The following PCGF3 variants were observed in gnomAD, a reference collection of about 807,000 sequenced individuals.
PCGF3 encodes the protein polycomb group RING finger protein 3.
PCGF3 carries 7 observed loss-of-function variants against 33.1 expected under a neutral mutation model. The observed-to-expected ratio is 0.21, with a 90% CI of 0.12 to 0.40. The LOEUF (loss-of-function observed/expected upper bound fraction) is 0.40. Ranked by LOEUF, PCGF3 falls within the 10% of genes least tolerant of loss-of-function variation. The pLI is 1.00. For missense variants in PCGF3, 211 were observed against 313.3 expected, an observed-to-expected ratio of 0.67 and a Z score of 2.46; for synonymous variants, 153 against 121.3, an observed-to-expected ratio of 1.26 and a Z score of -1.72.
chr4:742,557 C>T (rs185325183), intron 6 of PCGF3, among the ~76,000 whole-genome samples: 1 of 152,234 alleles, frequency 6.6e-6, no homozygotes, highest in Non-Finnish European at 1.5e-5. Context: ...TGACCCACGT[C>T]GTCCACTGTG....
At position 734,143 on chromosome 4, in the gene PCGF3, G is replaced by C. The variant is rs1343838053; in HGVS notation, c.109+354G>C. 7 of 1,550,476 alleles carry C rather than the reference G, an allele frequency of 4.5e-6. 1 individual carries two copies. In the Admixed American group the frequency reaches 1.2e-4, roughly 26 times the overall value. Reference sequence around the variant, plus strand: ...AGATCCTTCAAAGGGGAACCTTCCAGTGTGTTCTTCACACCTGATGTGCGT... The same window carrying C: ...AGATCCTTCAAAGGGGAACCTTCCACTGTGTTCTTCACACCTGATGTGCGT... On this transcript the variant is annotated intron_variant, in intron 4 of 10. Coordinates refer to ENST00000362003, the Ensembl canonical transcript of PCGF3.
At chr4:761,590 G>A in intron 9 of PCGF3, 174 bp downstream of exon 9, 5 of 930,116 alleles carry the variant, frequency 5.4e-6, no homozygotes, top group African/African-American at 5.3e-5. Context: ...AGCCCTAAGG[G>A]TTGTAGGATG....
intron 4 of PCGF3, chr4:734,007 G>A (rs1743730516): frequency 1.0e-5 from 16 of 1,550,848 alleles, no homozygotes; most frequent in Non-Finnish European, 1.2e-5. Flanking sequence ...CCTCGCTTAG[G>A]AGAGCGAAAC....
chr4:733,639 T>G, intron 3 of PCGF3, 33 bp from the exon 4 acceptor site: 1 of 1,578,872 alleles, frequency 6.3e-7, no homozygotes. Context: ...TGGAAGAGTT[T>G]CAGGTGTTAA....
chr4:711,464 T>G (rs1742562008), intron 1 of PCGF3, among the ~76,000 whole-genome samples: 1 of 139,788 alleles, frequency 7.2e-6, no homozygotes, highest in Non-Finnish European at 1.6e-5. Context: ...CTTTTTTTTT[T>G]TTTTGAGACG....
chr4:739,922 T>C (rs1268737508), intron 6 of PCGF3, among the ~76,000 whole-genome samples: 1 of 152,266 alleles, frequency 6.6e-6, no homozygotes, highest in African/African-American at 2.4e-5. Context: ...GACCAGCTCC[T>C]GTCTCTGGCC....
chr4:749,507 G>A (rs548415774), intron 8 of PCGF3, among the ~76,000 whole-genome samples: 238 of 73,836 alleles, frequency 3.2e-3, no homozygotes, highest in Non-Finnish European at 5.0e-3. Context: ...TTTTGAGACA[G>A]TCTCACTTTG....
At chr4:734,093 TTCCAAATC>T (rs1483832990) in intron 4 of PCGF3, 10 of 1,550,684 alleles carry the variant, frequency 6.4e-6, no homozygotes. Flanking sequence ...TGCTGGCAGT[TTCCAAATC>T]TCCAGAGGAG....
At chr4:727,842 G>A (rs537738719) in intron 1 of PCGF3, among the ~76,000 whole-genome samples, 40 of 152,304 alleles carry the variant, frequency 2.6e-4, no homozygotes, top group African/African-American at 9.6e-4. Context: ...GTTTTGTCAG[G>A]CTCATAGTGT....
rs1235978037 is a variant in PCGF3, at chr4:720,622, C to T, written c.-189-10008C>T. 2.8e-5 allele frequency among the ~76,000 whole-genome samples: 4 copies of T among 145,346 alleles called. No individual in the cohort carries two copies. The highest frequency in any genetic ancestry group is 1.0e-4 in the African/African-American group (4 of 38,562). On this transcript the variant is annotated intron_variant, in intron 1 of 10. Transcript: ENST00000362003. The surrounding 1 kb of genome is among the most constrained non-coding windows in gnomAD (Gnocchi z 5.6). ...TGCGTGTGGACCCGGGGTGGACGGG[C>T]GGTGACGTGCGTGTGGACCCGGGGT...
chr4:761,930 G>A (rs1195350175), intron 9 of PCGF3: 5 of 985,334 alleles, frequency 5.1e-6, no homozygotes, highest in Admixed American at 6.1e-5. Flanking sequence ...GACAGAAGGC[G>A]CTGGCGGCTG....
In PCGF3 at chr4:732,513, C is replaced by T. The variant is rs566327652; in HGVS notation, c.-9-1159C>T. ...TCTGTGACCAGGTGAGGACCGCAAG[C>T]GTAAAGGTGGTGGCAGAGTGGTCGG... On this transcript the variant is annotated intron_variant, in intron 3 of 10. Transcript: ENST00000362003. 453 of 152,738 alleles carry T rather than the reference C, an allele frequency of 3.0e-3. 4 individuals carry two copies. The highest frequency in any genetic ancestry group is 0.01 in the African/African-American group (432 of 41,568). The allele number at this position is 152,738 out of a possible 1,614,324, so 9.5% of individuals were successfully genotyped here. A position where few individuals can be genotyped will look rare whatever the true frequency, so the allele number is the denominator to read the frequency against.
intron 1 of PCGF3, among the ~76,000 whole-genome samples, chr4:719,317 C>T (rs79047899): frequency 0.041 from 6,318 of 152,246 alleles, 172 homozygotes; most frequent in East Asian, 0.095. Context: ...TGTAAAGTTC[C>T]GTTTTCCTCC....
intron 1 of PCGF3, among the ~76,000 whole-genome samples, chr4:707,752 GCT>G (rs1742385466): frequency 7.4e-6 from 1 of 135,344 alleles, no homozygotes. Flanking sequence ...CCCTGAGACA[GCT>G]CTGTTTTCAC....
chr4:756,333 C>T (rs574966196), intron 8 of PCGF3, among the ~76,000 whole-genome samples: 1 of 151,558 alleles, frequency 6.6e-6, no homozygotes, highest in South Asian at 2.1e-4. Context: ...CCACCTCCGC[C>T]TCCTGAGTAG....
chr4:753,076 G>A (rs1331643096), intron 8 of PCGF3, among the ~76,000 whole-genome samples: 1 of 152,254 alleles, frequency 6.6e-6, no homozygotes, highest in African/African-American at 2.4e-5. Context: ...GGTGCTGATG[G>A]CTCACACACC....
chr4:742,000 TTTTC>T (rs1381256772), intron 6 of PCGF3, among the ~76,000 whole-genome samples: 3 of 152,148 alleles, frequency 2.0e-5, no homozygotes, highest in African/African-American at 7.2e-5. Flanking sequence ...AAGGGAAACA[TTTTC>T]TTTCAAGCTG....
intron 8 of PCGF3, among the ~76,000 whole-genome samples, chr4:758,378 C>T (rs55955900): frequency 0.047 from 6,807 of 145,076 alleles, 272 homozygotes; most frequent in East Asian, 0.11. Flanking sequence ...CGAGGCCCCT[C>T]TCCGGAGTTC....
chr4:741,890 T>C (rs966263196), intron 6 of PCGF3, among the ~76,000 whole-genome samples: 7 of 152,186 alleles, frequency 4.6e-5, no homozygotes, highest in African/African-American at 1.4e-4. Context: ...TGTGGCCTGT[T>C]GTTCCCGTCA....
Sources: allele counts gnomAD v4.1 joint callset (sites outside exome capture counted in the v4.1 genomes callset), GRCh38; gene constraint gnomAD v4.1.1; non-coding constraint Gnocchi (gnomAD v3.1); transcripts MANE v1.5; gene names NCBI Gene and HGNC (gene_info 2026-07-23, HGNC 2026-07-21).